PARD3: variants seen among roughly 807,000 people sequenced by gnomAD.
PARD3 encodes the protein partitioning defective 3 homolog.
A neutral mutation model predicts 155.4 loss-of-function variants in PARD3; 75 were observed. The observed-to-expected ratio is 0.48, with a 90% CI of 0.40 to 0.58. PARD3 has a LOEUF of 0.58. Among genes scored for constraint, PARD3 ranks in the 20% least tolerant of loss-of-function variants. The pLI, the probability that PARD3 is intolerant of heterozygous loss-of-function variation, is 0.00. For synonymous variants in PARD3, 576 were observed against 610.5 expected, an observed-to-expected ratio of 0.94 and a Z score of 0.83; for missense variants, 1,642 against 1,721.7, an observed-to-expected ratio of 0.95 and a Z score of 0.82.
At chr10:34,636,189 CCCAGGGCCCTCATCAGTTTAAACCAAA>C (rs2092467333) in intron 2 of PARD3, among the ~76,000 whole-genome samples, 1 of 152,136 alleles carries the variant, frequency 6.6e-6, no homozygotes, top group Non-Finnish European at 1.5e-5. Context: ...TTTGCATGTG[CCCAGGGCCCTCATCAGTTTAAACCAAA>C]CCAGGGCCAG....
chr10:34,158,129 A>G (rs1949100888), intron 22 of PARD3, among the ~76,000 whole-genome samples: 1 of 152,230 alleles, frequency 6.6e-6, no homozygotes, highest in South Asian at 2.1e-4. Context: ...CTGTAATCCC[A>G]GCACTTTAGG....
intron 2 of PARD3, among the ~76,000 whole-genome samples, chr10:34,547,997 G>A (rs2084239018): frequency 6.6e-6 from 1 of 152,166 alleles, no homozygotes; most frequent in Non-Finnish European, 1.5e-5. Context: ...ACACCTTCGG[G>A]CCACTCATCT....
At chr10:34,786,233 TCAG>T (rs1840944584) in intron 1 of PARD3, among the ~76,000 whole-genome samples, 1 of 152,236 alleles carries the variant, frequency 6.6e-6, no homozygotes, top group African/African-American at 2.4e-5. Context: ...GCAAATATTC[TCAG>T]CAGATGAGCC....
chr10:34,674,429 C>T (rs1438136486), intron 2 of PARD3, among the ~76,000 whole-genome samples: 2 of 150,588 alleles, frequency 1.3e-5, no homozygotes, highest in South Asian at 2.1e-4. Context: ...AGAGCTGTAA[C>T]ACTACAGCCT....
intron 3 of PARD3, among the ~76,000 whole-genome samples, chr10:34,499,594 T>C (rs1457400882): frequency 2.6e-5 from 4 of 152,112 alleles, no homozygotes; most frequent in Non-Finnish European, 5.9e-5. Flanking sequence ...AGATATGAAG[T>C]ACACATTTAA....
At chr10:34,376,912 T>G (rs1486458683) in intron 10 of PARD3, among the ~76,000 whole-genome samples, 2 of 152,278 alleles carry the variant, frequency 1.3e-5, no homozygotes, top group East Asian at 1.9e-4. Flanking sequence ...TAAAAAAAAC[T>G]AAGAAAAATG....
At chr10:34,603,179 T>C (rs2089938074) in intron 2 of PARD3, among the ~76,000 whole-genome samples, 1 of 152,180 alleles carries the variant, frequency 6.6e-6, no homozygotes, top group African/African-American at 2.4e-5. Context: ...AAATTACCCC[T>C]GGCTGACAGG....
chr10:34,593,518 A>C (rs2134391043), intron 2 of PARD3, among the ~76,000 whole-genome samples: 1 of 152,346 alleles, frequency 6.6e-6, no homozygotes, highest in South Asian at 2.1e-4. Context: ...GGATGAGCTC[A>C]CGCACACACA....
intron 3 of PARD3, among the ~76,000 whole-genome samples, chr10:34,471,811 G>A (rs992686010): frequency 6.6e-6 from 1 of 152,104 alleles, no homozygotes; most frequent in South Asian, 2.1e-4. Flanking sequence ...CACCCGCCTC[G>A]GCCCCAAAAA....
intron 2 of PARD3, among the ~76,000 whole-genome samples, chr10:34,557,247 C>A (rs543317122): frequency 6.6e-6 from 1 of 152,156 alleles, no homozygotes; most frequent in African/African-American, 2.4e-5. Context: ...AACCAAGCGA[C>A]TTGACAAGAG....
intron 2 of PARD3, among the ~76,000 whole-genome samples, chr10:34,590,276 G>A (rs536742644): frequency 2.6e-5 from 4 of 152,194 alleles, no homozygotes; most frequent in South Asian, 4.1e-4. Context: ...CCACACCAAC[G>A]TCCACTCAAA....
chr10:34,666,808 T>TAC (rs2093491921), intron 2 of PARD3, among the ~76,000 whole-genome samples: 1 of 77,860 alleles, frequency 1.3e-5, no homozygotes, highest in African/African-American at 4.9e-5. Context: ...TATATATATA[T>TAC]ATATATATAC....
At chr10:34,164,487 A>C (rs1269304163) in intron 22 of PARD3, among the ~76,000 whole-genome samples, 1 of 152,218 alleles carries the variant, frequency 6.6e-6, no homozygotes, top group African/African-American at 2.4e-5. Context: ...CAGAAAGGAA[A>C]ATTCTAAAGC....
In PARD3 at chr10:34,411,958, G is replaced by A. The variant is rs914316723; in HGVS notation, c.715-10041C>T. 8.8e-4 allele frequency among the ~76,000 whole-genome samples: 101 copies of A among 114,666 alleles called. 1 individual carries two copies. In the East Asian group the frequency reaches 0.015, roughly 17 times the overall value. 75.2% of individuals were successfully genotyped at this position (114,666 alleles called of 152,430 possible). ...TGTGTGTGTGTGTGTGTGTGTGTGT[G>A]TGTGTATTTCCTCCTTTTTTAAGAG... is the stretch of plus-strand genomic sequence containing the variant. On this transcript the variant is annotated intron_variant, in intron 5 of 24. Transcript: ENST00000374788.
At chr10:34,370,115 G>A (rs1430137392) in intron 12 of PARD3, among the ~76,000 whole-genome samples, 1 of 152,142 alleles carries the variant, frequency 6.6e-6, no homozygotes, top group Non-Finnish European at 1.5e-5. Context: ...GCACAGATGT[G>A]AGAGCACGCA....
intron 20 of PARD3, among the ~76,000 whole-genome samples, chr10:34,313,778 G>C (rs1415713668): frequency 6.6e-6 from 1 of 152,134 alleles, no homozygotes; most frequent in South Asian, 2.1e-4. Context: ...CAGGATGATG[G>C]GGGTAGGACA....
At chr10:34,192,424 G>T (rs1422259775) in intron 22 of PARD3, among the ~76,000 whole-genome samples, 1 of 152,024 alleles carries the variant, frequency 6.6e-6, no homozygotes, top group Non-Finnish European at 1.5e-5. Context: ...CTGCCCTTTT[G>T]GTTCTTGTGT....
intron 19 of PARD3, among the ~76,000 whole-genome samples, chr10:34,320,277 A>C (rs115944972): frequency 7.9e-5 from 12 of 152,324 alleles, no homozygotes; most frequent in African/African-American, 2.9e-4. Flanking sequence ...CTACAGTAAC[A>C]CTAGGTAGGA....
chr10:34,300,510 A>G (rs2134016756), intron 20 of PARD3, among the ~76,000 whole-genome samples: 1 of 152,080 alleles, frequency 6.6e-6, no homozygotes, highest in East Asian at 1.9e-4. Flanking sequence ...GAATGAATGA[A>G]TGAATGTGCA....
Sources: allele counts gnomAD v4.1 joint callset (sites outside exome capture counted in the v4.1 genomes callset), GRCh38; gene constraint gnomAD v4.1.1; transcripts MANE v1.5; gene names NCBI Gene and HGNC (gene_info 2026-07-23, HGNC 2026-07-21).